The following FTCDNL1 variants were observed in gnomAD, a reference collection of about 807,000 sequenced individuals.
FTCDNL1 encodes formiminotransferase cyclodeaminase N-terminal like, also known as formiminotransferase N-terminal subdomain-containing protein.
A neutral mutation model predicts 5.9 loss-of-function variants in FTCDNL1; 11 were observed. The observed-to-expected ratio is 1.87, with a 90% CI of 1.18 to 3.10. The LOEUF (loss-of-function observed/expected upper bound fraction) is 3.10, where lower values mean the gene tolerates loss of function less well. Ranked by LOEUF, FTCDNL1 falls within the 30% of genes most tolerant of loss-of-function variation. The probability of loss-of-function intolerance (pLI) is 0.00; values close to 1 mark genes in which losing one functional copy is unlikely to be tolerated. For synonymous variants in FTCDNL1, 58 were observed against 24.8 expected, an observed-to-expected ratio of 2.34 and a Z score of -3.99; for missense variants, 115 against 65.5, an observed-to-expected ratio of 1.76 and a Z score of -2.61.
chr2:199,670,447 C>G, the FTCDNL1 span, among the ~76,000 whole-genome samples: 1 of 152,082 alleles, frequency 6.6e-6, no homozygotes, highest in Non-Finnish European at 1.5e-5. Context: ...TCAGTTTTGT[C>G]TAGGATCAAT....
intron 2 of FTCDNL1, among the ~76,000 whole-genome samples, chr2:199,847,338 A>G (rs2076758010): frequency 6.6e-6 from 1 of 152,218 alleles, no homozygotes; most frequent in African/African-American, 2.4e-5. Flanking sequence ...TTTGAAAACT[A>G]CAAAAGATGA....
At chr2:199,712,655 G>C in the FTCDNL1 span, among the ~76,000 whole-genome samples, 3 of 152,184 alleles carry the variant, frequency 2.0e-5, no homozygotes, top group Non-Finnish European at 4.4e-5. Flanking sequence ...AAGGGGGCAA[G>C]AGGGCCCTGC....
At chr2:199,817,178 G>C (rs1374802967) in intron 4 of FTCDNL1, among the ~76,000 whole-genome samples, 1 of 152,028 alleles carries the variant, frequency 6.6e-6, no homozygotes. Flanking sequence ...AAACATACTT[G>C]TACATATACC....
At chr2:199,787,372 C>T (rs1433444017) in intron 3 of FTCDNL1, among the ~76,000 whole-genome samples, 6 of 151,896 alleles carry the variant, frequency 4.0e-5, no homozygotes, top group Non-Finnish European at 7.4e-5. Context: ...TTAGTAGAGA[C>T]GGGGTTTCAC....
chr2:199,807,782 T>C (rs190893326), downstream of FTCDNL1, among the ~76,000 whole-genome samples: 2 of 152,290 alleles, frequency 1.3e-5, no homozygotes, highest in East Asian at 3.9e-4. Flanking sequence ...ATAATAGATT[T>C]TAAAAGGGAA....
intron 1 of FTCDNL1, among the ~76,000 whole-genome samples, chr2:199,849,772 A>T (rs2076826771): frequency 6.6e-6 from 1 of 152,242 alleles, no homozygotes; most frequent in Non-Finnish European, 1.5e-5. Context: ...ACATCTTAAA[A>T]TAATAAGAAA....
At chr2:199,802,891 A>G (rs1700528611) in intron 3 of FTCDNL1, among the ~76,000 whole-genome samples, 1 of 152,194 alleles carries the variant, frequency 6.6e-6, no homozygotes, top group Admixed American at 6.5e-5. Context: ...TACAAAAAGG[A>G]ATAAATGGGC....
rs1458589100 is a variant in FTCDNL1, at chr2:199,848,802, T to C, written c.115+46A>G. The C allele has an allele frequency of 5.8e-6, 4 of 694,876 alleles. No homozygotes were observed. The African/African-American group carries it at 7.0e-5, about 12-fold the overall frequency. 43.0% of individuals were successfully genotyped at this position (694,876 alleles called of 1,614,324 possible). A position where few individuals can be genotyped will look rare whatever the true frequency, so the allele number is the denominator to read the frequency against. ...GTGCACAGTACAAAAATTACTAAAT[T>C]ATCAAAACACTATAATATTCAGCTT... On this transcript the variant is annotated intron_variant, in intron 2 of 4. Coordinates refer to ENST00000420128, the MANE Select transcript of FTCDNL1 (RefSeq NM_001363886.2).
intron 3 of FTCDNL1, among the ~76,000 whole-genome samples, chr2:199,764,733 A>C (rs1698432071): frequency 6.6e-6 from 1 of 152,212 alleles, no homozygotes; most frequent in Non-Finnish European, 1.5e-5. Context: ...AATGCTGTAA[A>C]GAAAATGTCC....
intron 3 of FTCDNL1, among the ~76,000 whole-genome samples, chr2:199,769,921 G>T (rs1698728387): frequency 6.6e-6 from 1 of 152,038 alleles, no homozygotes; most frequent in South Asian, 2.1e-4. Flanking sequence ...AACCAGGAAT[G>T]ATCTATTCTT....
chr2:199,796,865 T>C (rs1700198784), intron 3 of FTCDNL1, among the ~76,000 whole-genome samples: 1 of 152,204 alleles, frequency 6.6e-6, no homozygotes, highest in Admixed American at 6.5e-5. Flanking sequence ...TGTAACCCTT[T>C]ACAAAGTAAA....
intron 3 of FTCDNL1, among the ~76,000 whole-genome samples, chr2:199,767,309 A>T (rs79772072): frequency 0.029 from 4,453 of 152,280 alleles, 93 homozygotes; most frequent in Non-Finnish European, 0.049. Flanking sequence ...TTGAAGCCAG[A>T]TCTTTTCATA....
chr2:199,715,968 C>T, the FTCDNL1 span, among the ~76,000 whole-genome samples: 3 of 148,054 alleles, frequency 2.0e-5, no homozygotes, highest in African/African-American at 7.6e-5. Flanking sequence ...CTGAATTACC[C>T]GGTAAGTTCT....
intron 3 of FTCDNL1, among the ~76,000 whole-genome samples, chr2:199,839,809 C>G (rs2076533932): frequency 6.6e-6 from 1 of 152,156 alleles, no homozygotes; most frequent in African/African-American, 2.4e-5. Flanking sequence ...TTATTTCTAA[C>G]CTGGAATTCT....
the FTCDNL1 span, among the ~76,000 whole-genome samples, chr2:199,715,927 C>A: frequency 2.0e-5 from 3 of 150,018 alleles, no homozygotes; most frequent in Non-Finnish European, 4.4e-5. Context: ...TTTACATTTT[C>A]TTTACATTTC....
intron 3 of FTCDNL1, among the ~76,000 whole-genome samples, chr2:199,783,154 C>A (rs1259497355): frequency 6.6e-6 from 1 of 152,150 alleles, no homozygotes; most frequent in Non-Finnish European, 1.5e-5. Flanking sequence ...ACTGTCAGCC[C>A]TAGACAATAG....
intron 3 of FTCDNL1, among the ~76,000 whole-genome samples, chr2:199,804,127 A>G (rs780804137): frequency 1.1e-4 from 16 of 152,258 alleles, no homozygotes; most frequent in Non-Finnish European, 1.8e-4. Flanking sequence ...AAAATCCTTT[A>G]TACGTACTAG....
chr2:199,678,084 G>A, the FTCDNL1 span, among the ~76,000 whole-genome samples: 15 of 152,210 alleles, frequency 9.9e-5, no homozygotes, highest in South Asian at 8.3e-4. Flanking sequence ...GAAATATGTC[G>A]AAAGACAAAC....
intron 3 of FTCDNL1, among the ~76,000 whole-genome samples, chr2:199,763,959 A>G (rs1006352278): frequency 4.6e-5 from 7 of 152,146 alleles, no homozygotes; most frequent in Non-Finnish European, 1.0e-4. Flanking sequence ...CTCCTGCCTC[A>G]GCCACCTGAG....
Sources: gnomAD v4.1 joint callset for allele counts (sites outside exome capture counted in the v4.1 genomes callset) on GRCh38, gnomAD v4.1.1 for gene constraint, MANE v1.5 for transcripts, NCBI Gene and HGNC (gene_info 2026-07-23, HGNC 2026-07-21) for gene names.